The following CTNNA2 variants were observed in gnomAD, a reference collection of about 807,000 sequenced individuals.
CTNNA2 encodes catenin alpha 2.
A neutral mutation model predicts 101.0 loss-of-function variants in CTNNA2; 42 were observed. The observed-to-expected ratio is 0.42, with a 90% CI of 0.32 to 0.54. The LOEUF is 0.54. Ranked by LOEUF, CTNNA2 falls within the 20% of genes least tolerant of loss-of-function variation. CTNNA2 has a pLI of 0.14. For missense variants in CTNNA2, 871 were observed against 1,223.1 expected, an observed-to-expected ratio of 0.71 and a Z score of 4.29; for synonymous variants, 450 against 456.4, an observed-to-expected ratio of 0.99 and a Z score of 0.18.
intron 3 of CTNNA2, 91 bp downstream of exon 3, chr2:79,744,673 GAAGAAGTCTTACGT>G: frequency 8.0e-7 from 1 of 1,256,392 alleles, no homozygotes; most frequent in Admixed American, 2.9e-5. Flanking sequence ...TTTACTCAAA[GAAGAAGTCTTACGT>G]TTTTTTCCTT....
intron 7 of CTNNA2, among the ~76,000 whole-genome samples, chr2:79,962,545 A>T (rs1689715795): frequency 6.6e-6 from 1 of 152,142 alleles, no homozygotes; most frequent in Non-Finnish European, 1.5e-5. Flanking sequence ...ATAACCACAG[A>T]TTTATTTGTT....
chr2:80,053,393 A>G (rs939299760), intron 7 of CTNNA2, among the ~76,000 whole-genome samples: 15 of 152,238 alleles, frequency 9.9e-5, no homozygotes, highest in Admixed American at 3.3e-4. Context: ...TAGTTTACTA[A>G]GTAAATATCT....
chr2:80,104,539 G>A (rs1403858699), intron 7 of CTNNA2, among the ~76,000 whole-genome samples: 4 of 152,174 alleles, frequency 2.6e-5, no homozygotes, highest in African/African-American at 9.7e-5. Context: ...TTTGTTTGTT[G>A]TTACACTAGT....
intron 3 of CTNNA2, among the ~76,000 whole-genome samples, chr2:79,359,712 A>G (rs1433355002): frequency 6.6e-6 from 1 of 152,222 alleles, no homozygotes; most frequent in Non-Finnish European, 1.5e-5. Context: ...AGGTAGCCAA[A>G]GACCAAATAA....
chr2:80,014,618 A>G (rs1694010239), intron 7 of CTNNA2, among the ~76,000 whole-genome samples: 1 of 152,174 alleles, frequency 6.6e-6, no homozygotes, highest in Non-Finnish European at 1.5e-5. Context: ...CACCCAGACT[A>G]TGCCCTGCAC....
intron 7 of CTNNA2, among the ~76,000 whole-genome samples, chr2:80,317,615 C>A (rs1244642123): frequency 6.6e-6 from 1 of 152,190 alleles, no homozygotes; most frequent in African/African-American, 2.4e-5. Context: ...GCAATTCAAA[C>A]TTTCCTCCTG....
intron 7 of CTNNA2, among the ~76,000 whole-genome samples, chr2:80,202,724 G>C (rs1229462558): frequency 6.7e-6 from 1 of 149,518 alleles, no homozygotes; most frequent in Non-Finnish European, 1.5e-5. Context: ...TTGTTTCCAA[G>C]AGATTTAAAA....
Position 79,387,340 on chromosome 2 carries a change from G to A in CTNNA2, c.-135+13327G>A, listed in dbSNP as rs75632206. Among the ~76,000 whole-genome samples the A allele has an allele frequency of 9.8e-3, 1,494 of 152,198 alleles. 25 individuals carry two copies. Among genetic ancestry groups the A allele is most frequent in the African/African-American group, 0.033 (1,378 of 41,530 alleles). On this transcript the variant is annotated intron_variant, in intron 4 of 21. Transcript: ENST00000466387. ...TCTTGTTAATAATGCTCTTTTGTTG[G>A]TCTATTTACTAAGCTTTCTATTTCC...
intron 7 of CTNNA2, among the ~76,000 whole-genome samples, chr2:80,036,840 T>TGA (rs1695689960): frequency 2.6e-5 from 2 of 78,210 alleles, no homozygotes; most frequent in African/African-American, 4.3e-5. Context: ...TGTGTGTGTG[T>TGA]GTGTGTGTGA....
chr2:79,217,930 G>A (rs756746247), intron 2 of CTNNA2, among the ~76,000 whole-genome samples: 5 of 152,108 alleles, frequency 3.3e-5, no homozygotes, highest in African/African-American at 4.8e-5. Flanking sequence ...TAGCAGGTAC[G>A]GAGCACATGC....
At chr2:80,333,427 A>G (rs989514053) in intron 7 of CTNNA2, among the ~76,000 whole-genome samples, 2 of 152,176 alleles carry the variant, frequency 1.3e-5, no homozygotes, top group Admixed American at 6.5e-5. Context: ...AGAGCATGTG[A>G]GGAAGAGCAA....
intron 3 of CTNNA2, among the ~76,000 whole-genome samples, chr2:79,314,243 C>T (rs1489392870): frequency 2.0e-5 from 3 of 152,028 alleles, no homozygotes; most frequent in African/African-American, 7.2e-5. Flanking sequence ...TGCAGCATTC[C>T]CCAGAGGAGA....
chr2:79,910,164 C>T (rs1017914637), intron 7 of CTNNA2, among the ~76,000 whole-genome samples: 2 of 152,140 alleles, frequency 1.3e-5, no homozygotes, highest in African/African-American at 2.4e-5. Flanking sequence ...ACAAAGAGCA[C>T]TTTTAAACCT....
chr2:79,307,560 C>A (rs1676276111), intron 2 of CTNNA2, among the ~76,000 whole-genome samples: 1 of 152,110 alleles, frequency 6.6e-6, no homozygotes, highest in Admixed American at 6.5e-5. Context: ...GGATTTTATT[C>A]TTTTTATGGC....
intron 9 of CTNNA2, among the ~76,000 whole-genome samples, chr2:80,502,243 C>A (rs2149534756): frequency 6.6e-6 from 1 of 152,272 alleles, no homozygotes; most frequent in South Asian, 2.1e-4. Flanking sequence ...TTGTTTTTGA[C>A]TTTTCTCCTC....
At chr2:80,462,631 C>CTTTCTTTT (rs1177394836) in intron 9 of CTNNA2, among the ~76,000 whole-genome samples, 5 of 94,772 alleles carry the variant, frequency 5.3e-5, no homozygotes, top group African/African-American at 2.3e-4. Context: ...TTCTTTCTTT[C>CTTTCTTTT]TTTTTTTTTT....
chr2:80,477,438 G>T (rs1407111034), intron 9 of CTNNA2, among the ~76,000 whole-genome samples: 2 of 151,948 alleles, frequency 1.3e-5, no homozygotes, highest in African/African-American at 2.4e-5. Flanking sequence ...CAAAATCTGG[G>T]CTTTTAGTGT....
chr2:79,812,058 G>T (rs2105342175), intron 3 of CTNNA2, among the ~76,000 whole-genome samples: 1 of 152,238 alleles, frequency 6.6e-6, no homozygotes, highest in South Asian at 2.1e-4. Context: ...AGTTTTGTGT[G>T]CATGTATGCA....
chr2:79,536,379 G>C (rs1282381062), intron 1 of CTNNA2, among the ~76,000 whole-genome samples: 2 of 152,042 alleles, frequency 1.3e-5, no homozygotes. Flanking sequence ...TCTCCAGTTG[G>C]CCATCCTAGC....
Sources: gnomAD v4.1 joint callset for allele counts (sites outside exome capture counted in the v4.1 genomes callset) on GRCh38, gnomAD v4.1.1 for gene constraint, MANE v1.5 for transcripts, NCBI Gene and HGNC (gene_info 2026-07-23, HGNC 2026-07-21) for gene names.